ADAMTS12: variants seen among roughly 807,000 people sequenced by gnomAD.
ADAMTS12 encodes the protein A disintegrin and metalloproteinase with thrombospondin motifs 12.
Under a neutral mutation model 167.8 loss-of-function variants are expected in ADAMTS12, and 118 were observed. The ratio of observed to expected loss-of-function variants is 0.70; its 90% confidence interval spans 0.61 to 0.82. The LOEUF is 0.82. Ranked by LOEUF, ADAMTS12 falls within the 40% of genes least tolerant of loss-of-function variation. The pLI, the probability that ADAMTS12 is intolerant of heterozygous loss-of-function variation, is 0.00. For missense variants in ADAMTS12, 1,916 were observed against 1,998.8 expected (o/e 0.96, Z 0.79); for synonymous variants, 704 against 716.9 (o/e 0.98, Z 0.29).
intron 16 of ADAMTS12, among the ~76,000 whole-genome samples, chr5:33,612,149 C>T (rs1738757987): frequency 6.6e-6 from 1 of 152,176 alleles, no homozygotes; most frequent in African/African-American, 2.4e-5. Context: ...TGTCTTTCTC[C>T]TTTGCCAGAG....
intron 3 of ADAMTS12, among the ~76,000 whole-genome samples, chr5:33,737,788 C>T (rs1475105681): frequency 6.6e-6 from 1 of 152,160 alleles, no homozygotes; most frequent in African/African-American, 2.4e-5. Context: ...GTTTGCTGAA[C>T]ATTCACTGAA....
chr5:33,559,405 C>T (rs1186345325), intron 20 of ADAMTS12, among the ~76,000 whole-genome samples: 1 of 152,166 alleles, frequency 6.6e-6, no homozygotes, highest in African/African-American at 2.4e-5. Context: ...GAATTATCCC[C>T]CAAGAACTGG....
chr5:33,688,760 G>C lies in ADAMTS12; in HGVS notation c.635-4705C>G, dbSNP rs148227444. Among the ~76,000 whole-genome samples the C allele has an allele frequency of 2.2e-4, 33 of 152,286 alleles. No homozygotes were observed. The East Asian group carries it at 5.4e-3, about 25-fold the overall frequency. Reference sequence around the variant, plus strand: ...AGTAGTTTCCAGTGTGAGCAATGAGGCTGCTTATTCTACTTAGAAAATTGC... The same window carrying C: ...AGTAGTTTCCAGTGTGAGCAATGAGCCTGCTTATTCTACTTAGAAAATTGC... On this transcript the variant is annotated intron_variant, in intron 3 of 23. Transcript: ENST00000504830.
chr5:33,675,288 G>T (rs976376559), intron 5 of ADAMTS12, among the ~76,000 whole-genome samples: 1 of 152,184 alleles, frequency 6.6e-6, no homozygotes, highest in Non-Finnish European at 1.5e-5. Flanking sequence ...CCACGTTAAG[G>T]TTGGACCATC....
At chr5:33,679,894 T>C (rs10051817) in intron 5 of ADAMTS12, among the ~76,000 whole-genome samples, 8,026 of 152,286 alleles carry the variant, frequency 0.053, 439 homozygotes, top group East Asian at 0.17. Flanking sequence ...CAGGTCAACT[T>C]GCTCAAAGGA....
chr5:33,636,701 T>C (rs1238118103), intron 12 of ADAMTS12, among the ~76,000 whole-genome samples: 1 of 152,188 alleles, frequency 6.6e-6, no homozygotes, highest in Non-Finnish European at 1.5e-5. Flanking sequence ...TCATGAAAAA[T>C]TTGATTAGCT....
At chr5:33,747,734 T>C (rs142463314) in intron 3 of ADAMTS12, among the ~76,000 whole-genome samples, 1 of 152,188 alleles carries the variant, frequency 6.6e-6, no homozygotes, top group Non-Finnish European at 1.5e-5. Context: ...TATAGCTACA[T>C]GTCCTAGCAA....
At position 33,734,745 on chromosome 5, in the gene ADAMTS12, C is replaced by T. The variant is rs143784301; in HGVS notation, c.634+16659G>A. ...TGAGAGGAAGGGGCTATAGCCAAAACGGTGGGTGGGGGAGGAGGCTGAGTG... is the reference window on the plus strand; with the variant it reads ...TGAGAGGAAGGGGCTATAGCCAAAATGGTGGGTGGGGGAGGAGGCTGAGTG... On this transcript the variant is annotated intron_variant, in intron 3 of 23. Transcript: ENST00000504830. Among the ~76,000 whole-genome samples, 1,422 of 152,190 alleles carry T rather than the reference C, an allele frequency of 9.3e-3. 25 individuals carry two copies. The highest frequency in any genetic ancestry group is 0.033 in the African/African-American group (1,378 of 41,528).
intron 3 of ADAMTS12, among the ~76,000 whole-genome samples, chr5:33,738,331 C>T (rs149692659): frequency 7.8e-4 from 118 of 151,920 alleles, no homozygotes; most frequent in African/African-American, 2.8e-3. Flanking sequence ...TGTTTGGTTA[C>T]TCAGGCATAA....
At position 33,649,683 on chromosome 5, in the gene ADAMTS12, T is replaced by C; in HGVS notation, c.1205A>G (p.His402Arg). 6.2e-7 allele frequency: 1 copy of C among 1,613,850 alleles called. No individual in the cohort carries two copies. The highest frequency in any genetic ancestry group is 8.5e-7 in the Non-Finnish European group (1 of 1,179,824). Reference sequence around the variant, plus strand: ...CTCACAGTCATTTTCTTTCCCATCATGCTGGATGCCGAAGCTGGCAGGGAA... The same window carrying C: ...CTCACAGTCATTTTCTTTCCCATCACGCTGGATGCCGAAGCTGGCAGGGAA... The part of the protein sequence containing the change: ...HELGHSFGIQ[H>R]DGKENDCEPV... Residue 402 changes from histidine (H) to arginine (R), a missense_variant, in exon 8 of 24, where the codon CAT becomes CGT. Coordinates refer to ENST00000504830, the MANE Select transcript of ADAMTS12 (RefSeq NM_030955.4).
chr5:33,776,738 T>C (rs950212679), intron 2 of ADAMTS12, among the ~76,000 whole-genome samples: 11 of 151,460 alleles, frequency 7.3e-5, no homozygotes, highest in Non-Finnish European at 1.6e-4. Context: ...ATAAATGAAA[T>C]AGAAACTAGA....
rs181459910 is a variant in ADAMTS12 at position 33,525,248 on chromosome 5, C to G, written c.*1940G>C. On this transcript the variant is annotated 3_prime_UTR_variant, in exon 24 of 24. Transcript: ENST00000504830. ...ACCATTATTCACCAGAGATTGCTATCGGCCAGCAATGTTTATGTTTAAAGG... is the reference window on the plus strand; with the variant it reads ...ACCATTATTCACCAGAGATTGCTATGGGCCAGCAATGTTTATGTTTAAAGG... The G allele has an allele frequency of 6.6e-6, 1 of 152,208 alleles. No homozygotes were observed. Among genetic ancestry groups the G allele is most frequent in the Non-Finnish European group, 1.5e-5 (1 of 68,044 alleles). 9.4% of individuals were successfully genotyped at this position (152,208 alleles called of 1,614,324 possible). A position where few individuals can be genotyped will look rare whatever the true frequency, so the allele number is the denominator to read the frequency against.
intron 16 of ADAMTS12, among the ~76,000 whole-genome samples, chr5:33,599,278 C>G (rs925678768): frequency 6.6e-6 from 1 of 152,236 alleles, no homozygotes. Context: ...GGAAAGAACA[C>G]TCAATAAATG....
intron 3 of ADAMTS12, among the ~76,000 whole-genome samples, chr5:33,688,485 G>A (rs1051895950): frequency 1.3e-5 from 2 of 152,180 alleles, no homozygotes; most frequent in Non-Finnish European, 2.9e-5. Flanking sequence ...AATTTACCGA[G>A]TACTTTTTCC....
intron 5 of ADAMTS12, among the ~76,000 whole-genome samples, chr5:33,672,927 G>A (rs1346736393): frequency 6.6e-6 from 1 of 152,174 alleles, no homozygotes; most frequent in East Asian, 1.9e-4. Flanking sequence ...GGCAGAGCAG[G>A]GCTTGGAACA....
chr5:33,841,387 C>T lies in ADAMTS12; in HGVS notation c.489+39732G>A, dbSNP rs535315037. ...TCCTCTGCCACTTCATTTCACCAAC[C>T]ATCCTGTCTCTGGTTAACCTCTGGT... On this transcript the variant is annotated intron_variant, in intron 2 of 23. Coordinates refer to ENST00000504830, the MANE Select transcript of ADAMTS12 (RefSeq NM_030955.4). Among the ~76,000 whole-genome samples the T allele has an allele frequency of 3.2e-4, 49 of 152,330 alleles. No individual in the cohort carries two copies. In the South Asian group the frequency reaches 3.7e-3, roughly 12 times the overall value.
chr5:33,755,674 A>G (rs1016762069), intron 2 of ADAMTS12, among the ~76,000 whole-genome samples: 2 of 152,236 alleles, frequency 1.3e-5, no homozygotes, highest in Admixed American at 1.3e-4. Flanking sequence ...GAGTACCACA[A>G]GTAAAGCCTG....
chr5:33,813,958 A>C (rs1747554693), intron 2 of ADAMTS12, among the ~76,000 whole-genome samples: 1 of 152,250 alleles, frequency 6.6e-6, no homozygotes, highest in Admixed American at 6.5e-5. Flanking sequence ...TAGGTAAGTA[A>C]AAATAGCTTT....
At chr5:33,852,491 G>A (rs1749251454) in intron 2 of ADAMTS12, among the ~76,000 whole-genome samples, 1 of 152,146 alleles carries the variant, frequency 6.6e-6, no homozygotes, top group Non-Finnish European at 1.5e-5. Context: ...TGGAGAATGG[G>A]TAAAGGGAGG....
Sources: gnomAD v4.1 joint callset for allele counts (sites outside exome capture counted in the v4.1 genomes callset) on GRCh38, gnomAD v4.1.1 for gene constraint, MANE v1.5 for transcripts, NCBI Gene and HGNC (gene_info 2026-07-23, HGNC 2026-07-21) for gene names.